Variants in CDK1 observed in about 807,000 individuals in gnomAD.
CDK1 encodes the protein cyclin-dependent kinase 1.
CDK1 carries 5 observed loss-of-function variants against 34.6 expected under a neutral mutation model. The observed-to-expected ratio is 0.14, with a 90% CI of 0.08 to 0.30. The LOEUF is 0.30. CDK1 is among the 10% of genes least tolerant of loss of function. The probability of loss-of-function intolerance (pLI) is 1.00; values close to 1 mark genes in which losing one functional copy is unlikely to be tolerated. For synonymous variants in CDK1, 108 were observed against 114.7 expected (o/e 0.94, Z 0.37); for missense variants, 157 against 345.7 (o/e 0.45, Z 4.33).
intron 5 of CDK1, among the ~76,000 whole-genome samples, chr10:60,790,866 A>G (rs1203344269): frequency 1.3e-5 from 2 of 151,982 alleles, no homozygotes; most frequent in African/African-American, 4.8e-5. Context: ...TGGATTCTCT[A>G]TTTTGTTCTG....
chr10:60,792,380 T>A (rs778569352), intron 7 of CDK1, 91 bp downstream of exon 7: 1 of 1,203,898 alleles, frequency 8.3e-7, no homozygotes, highest in Non-Finnish European at 1.2e-6. Context: ...GGAAGAACAC[T>A]AACATTTTTG....
Position 60,784,879 on chromosome 10 carries a change from A to C in CDK1, c.194+18A>C, listed in dbSNP as rs538321572. 5 of 1,592,784 alleles carry C rather than the reference A, an allele frequency of 3.1e-6. No homozygotes were observed. The African/African-American group carries it at 6.8e-5, about 22-fold the overall frequency. On this transcript the variant is annotated intron_variant, in intron 3 of 7. Coordinates refer to ENST00000395284, the MANE Select transcript of CDK1 (RefSeq NM_001786.5). The stretch of plus-strand genomic sequence containing the variant: ...ATAGTCAGGTATGTTGTAATATCTG[A>C]ATGTAAGCCATTTTCTGCATGCTAT...
chr10:60,786,087 A>AGATAACATAGAACTGGT, intron 4 of CDK1: 1 of 1,027,016 alleles, frequency 9.7e-7, no homozygotes, highest in Non-Finnish European at 1.2e-6. Flanking sequence ...CAAAGTAATG[A>AGATAACATAGAACTGGT]AAGCCTAGGG....
intron 2 of CDK1, among the ~76,000 whole-genome samples, chr10:60,781,287 C>T (rs1238941221): frequency 1.3e-5 from 2 of 152,060 alleles, no homozygotes; most frequent in African/African-American, 2.4e-5. Flanking sequence ...GCAGATTTGA[C>T]TTCTGAGAAA....
intron 2 of CDK1, among the ~76,000 whole-genome samples, chr10:60,780,969 G>A (rs1285335676): frequency 6.6e-6 from 1 of 152,032 alleles, no homozygotes; most frequent in Non-Finnish European, 1.5e-5. Context: ...AAAACAAGGG[G>A]GAATACTGGA....
At position 60,784,634 on chromosome 10, in the gene CDK1, A is replaced by G. The variant is rs182166574; in HGVS notation, c.38-71A>G. ...AAGAAAACAAGACCCTGCCATAAGG[A>G]AAAAAAAAAAGAAAAAAAGATCTTT... On this transcript the variant is annotated intron_variant, in intron 2 of 7. Transcript: ENST00000395284. The G allele has an allele frequency of 1.2e-4, 79 of 653,012 alleles. 1 individual carries two copies. The highest frequency in any genetic ancestry group is 1.1e-3 in the African/African-American group (57 of 51,628). 40.5% of individuals were successfully genotyped at this position (653,012 alleles called of 1,614,324 possible).
chr10:60,778,864 G>A (rs1203946051), intron 1 of CDK1, among the ~76,000 whole-genome samples: 1 of 152,366 alleles, frequency 6.6e-6, no homozygotes, highest in East Asian at 1.9e-4. Context: ...CTCAGGAACT[G>A]CCTGAAGAGG....
At position 60,790,424 on chromosome 10, in the gene CDK1, T is replaced by G. The variant is rs555712680; in HGVS notation, c.490-1466T>G. Among the ~76,000 whole-genome samples the G allele has an allele frequency of 6.6e-5, 10 of 152,230 alleles. No individual in the cohort carries two copies. The South Asian group carries it at 2.1e-3, about 32-fold the overall frequency. On this transcript the variant is annotated intron_variant, in intron 5 of 7. Transcript: ENST00000395284. ...CACCATGCTAGGCTGATTTTTAAATTTTTTAGAGACGGGGCTGTCAGCATA... is the reference window on the plus strand; with the variant it reads ...CACCATGCTAGGCTGATTTTTAAATGTTTTAGAGACGGGGCTGTCAGCATA...
chr10:60,779,107 C>T (rs969207083), intron 1 of CDK1, among the ~76,000 whole-genome samples: 1 of 152,198 alleles, frequency 6.6e-6, no homozygotes, highest in Non-Finnish European at 1.5e-5. Context: ...CGGCCCCGGC[C>T]CACCTGGAGC....
chr10:60,794,830 G>T lies in CDK1; in HGVS notation c.*855G>T, dbSNP rs2080387305. ...ATTTAACTAAAATTACTAGCTTTGG[G>T]AATTAAACTGTTTAACAAATAATGC... is the stretch of plus-strand genomic sequence containing the variant. On this transcript the variant is annotated 3_prime_UTR_variant, in exon 8 of 8. Coordinates refer to ENST00000395284, the MANE Select transcript of CDK1 (RefSeq NM_001786.5). 1 of 152,050 alleles carries T rather than the reference G, an allele frequency of 6.6e-6. No individual in the cohort carries two copies. Among genetic ancestry groups the T allele is most frequent in the Non-Finnish European group, 1.5e-5 (1 of 67,972 alleles). 9.4% of individuals were successfully genotyped at this position (152,050 alleles called of 1,614,324 possible).
Position 60,788,088 on chromosome 10 carries a change from T to C in CDK1, c.347T>C (p.Ile116Thr). Residue 116 changes from isoleucine to threonine, a missense_variant, in exon 5 of 8, where the codon ATT (isoleucine) becomes ACT (threonine). Around this residue, in one of 3 missense-constraint regions of CDK1, gnomAD observed 102 missense variants for 233.6 expected, o/e 0.44. Transcript: ENST00000395284. ...TATTTATACCAAATCCTACAGGGGATTGTGTTTTGTCACTCTAGAAGAGTT... is the reference window on the plus strand; with the variant it reads ...TATTTATACCAAATCCTACAGGGGACTGTGTTTTGTCACTCTAGAAGAGTT... ...KSYLYQILQG[I>T]VFCHSRRVLH... The C allele has an allele frequency of 1.3e-6, 2 of 1,572,944 alleles. No individual in the cohort carries two copies. The highest frequency in any genetic ancestry group is 1.7e-6 in the Non-Finnish European group (2 of 1,157,066).
In CDK1 at chr10:60,788,163, C is replaced by T. The variant is rs752316620; in HGVS notation, c.422C>T (p.Thr141Ile). ...AATCTCTTGATTGATGACAAAGGAA[C>T]AATTAAACTGGCTGATTTTGGCCTT... ...PQNLLIDDKG[T>I]IKLADFGLAR... The change falls in exon 5 of 8, where the codon ACA (threonine) becomes ATA (isoleucine). Residue 141 changes from threonine (T) to isoleucine (I), a missense_variant. Around this residue, in one of 3 missense-constraint regions of CDK1, gnomAD observed 102 missense variants for 233.6 expected, o/e 0.44. Transcript: ENST00000395284. 6.2e-7 allele frequency: 1 copy of T among 1,611,352 alleles called. No individual in the cohort carries two copies. The highest frequency in any genetic ancestry group is 1.1e-5 in the South Asian group (1 of 90,606).
At chr10:60,788,480 G>C (rs550613276) in intron 5 of CDK1, among the ~76,000 whole-genome samples, 4 of 152,130 alleles carry the variant, frequency 2.6e-5, no homozygotes, top group African/African-American at 7.2e-5. Flanking sequence ...CAGGAGGAAG[G>C]AGTTTTCCTA....
At chr10:60,788,918 T>C (rs183846412) in intron 5 of CDK1, among the ~76,000 whole-genome samples, 4 of 152,274 alleles carry the variant, frequency 2.6e-5, no homozygotes, top group Non-Finnish European at 4.4e-5. Context: ...ATCATTTTTT[T>C]ACATGGCTAT....
intron 2 of CDK1, among the ~76,000 whole-genome samples, chr10:60,780,804 C>T (rs2132061564): frequency 6.6e-6 from 1 of 152,060 alleles, no homozygotes; most frequent in African/African-American, 2.4e-5. Flanking sequence ...GGGGTATATC[C>T]CTTCGCCTGT....
intron 5 of CDK1, among the ~76,000 whole-genome samples, chr10:60,788,803 G>T (rs2080335962): frequency 6.6e-6 from 1 of 152,080 alleles, no homozygotes; most frequent in Admixed American, 6.5e-5. Context: ...TTATTGAAAG[G>T]CTGTCTTCTG....
In CDK1 at chr10:60,794,087, T is replaced by G; in HGVS notation, c.*112T>G. The G allele has an allele frequency of 1.8e-6, 1 of 560,726 alleles. No homozygotes were observed. Among genetic ancestry groups the G allele is most frequent in the Non-Finnish European group, 3.2e-6 (1 of 314,728 alleles). 34.7% of individuals were successfully genotyped at this position (560,726 alleles called of 1,614,324 possible). The stretch of plus-strand genomic sequence containing the variant: ...TTTCTTTGTTATCAAACTTCAGCTG[T>G]ACTTCGTCTTCTAATTTCAAAAATA... On this transcript the variant is annotated 3_prime_UTR_variant, in exon 8 of 8. Transcript: ENST00000395284.
At chr10:60,779,638 T>C (rs575168543) in intron 1 of CDK1, among the ~76,000 whole-genome samples, 5 of 152,322 alleles carry the variant, frequency 3.3e-5, no homozygotes, top group African/African-American at 1.2e-4. Flanking sequence ...ACACTTAAAA[T>C]GTTTTTGTCG....
chr10:60,791,463 C>T (rs2080359445), intron 5 of CDK1, among the ~76,000 whole-genome samples: 1 of 152,078 alleles, frequency 6.6e-6, no homozygotes, highest in Non-Finnish European at 1.5e-5. Flanking sequence ...AATTTGACTT[C>T]TTCCTTGGCA....
Sources: allele counts gnomAD v4.1 joint callset (sites outside exome capture counted in the v4.1 genomes callset), GRCh38; gene constraint gnomAD v4.1.1; regional missense constraint gnomAD v4.1.1; transcripts MANE v1.5; gene names NCBI Gene and HGNC (gene_info 2026-07-23, HGNC 2026-07-21).